The following UBE2E2 variants were observed in gnomAD, a reference collection of about 807,000 sequenced individuals.
The protein encoded by UBE2E2 is ubiquitin-conjugating enzyme E2 E2.
UBE2E2 carries 6 observed loss-of-function variants against 24.7 expected under a neutral mutation model. That is an observed-to-expected ratio of 0.24 (90% CI 0.13 to 0.48). The LOEUF is 0.48. UBE2E2 is among the 20% of genes least tolerant of loss of function. UBE2E2 has a pLI of 0.99. For synonymous variants in UBE2E2, 104 were observed against 83.6 expected (o/e 1.24, Z -1.33); for missense variants, 169 against 245.0 (o/e 0.69, Z 2.07).
chr3:23,572,849 AG>A (rs1206554328), intron 5 of UBE2E2, among the ~76,000 whole-genome samples: 8 of 152,210 alleles, frequency 5.3e-5, no homozygotes, highest in Non-Finnish European at 8.8e-5. Context: ...TGAATGTACA[AG>A]TGCAAGTGTC....
At position 23,355,390 on chromosome 3, in the gene UBE2E2, A is replaced by G. The variant is rs192713696; in HGVS notation, c.227+138078A>G. ...TAAAGTATAATAATAATGAAAGACA[A>G]AAAAGAAGTCATGCTTCCTCTTATA... is the stretch of plus-strand genomic sequence containing the variant. On this transcript the variant is annotated intron_variant, in intron 3 of 5. Coordinates refer to ENST00000396703, the MANE Select transcript of UBE2E2 (RefSeq NM_152653.4). Among the ~76,000 whole-genome samples, 144 of 152,262 alleles carry G rather than the reference A, an allele frequency of 9.5e-4. 5 individuals carry two copies. In the East Asian group the frequency reaches 0.023, roughly 25 times the overall value.
chr3:23,453,631 A>G (rs1698614705), intron 3 of UBE2E2, among the ~76,000 whole-genome samples: 1 of 152,188 alleles, frequency 6.6e-6, no homozygotes, highest in African/African-American at 2.4e-5. Context: ...GAATCTGGAA[A>G]GGGAATCATT....
In UBE2E2 at chr3:23,451,819, A is replaced by G. The variant is rs910616793; in HGVS notation, c.228-47789A>G. Among the ~76,000 whole-genome samples, 6 of 152,240 alleles carry G rather than the reference A, an allele frequency of 3.9e-5. No homozygotes were observed. The South Asian group carries it at 1.2e-3, about 32-fold the overall frequency. ...TGGTGGAGTTTTAAAAAATATATTTATGCTTCCCTAAGATAGTGGCCAAGT... is the reference window on the plus strand; with the variant it reads ...TGGTGGAGTTTTAAAAAATATATTTGTGCTTCCCTAAGATAGTGGCCAAGT... On this transcript the variant is annotated intron_variant, in intron 3 of 5. Transcript: ENST00000396703.
intron 3 of UBE2E2, among the ~76,000 whole-genome samples, chr3:23,376,293 G>A (rs1331383268): frequency 5.3e-5 from 8 of 152,118 alleles, no homozygotes; most frequent in Non-Finnish European, 7.3e-5. Flanking sequence ...TTTTTGCGTG[G>A]ATTTGTTTTG....
intron 3 of UBE2E2, among the ~76,000 whole-genome samples, chr3:23,325,751 C>G (rs1694872975): frequency 6.6e-6 from 1 of 152,224 alleles, no homozygotes; most frequent in East Asian, 1.9e-4. Context: ...GAATATCTAA[C>G]CCCTCCGTAT....
intron 3 of UBE2E2, among the ~76,000 whole-genome samples, chr3:23,304,894 C>CT (rs1163696928): frequency 6.6e-6 from 1 of 151,638 alleles, no homozygotes; most frequent in South Asian, 2.1e-4. Flanking sequence ...TTTCCTTGCA[C>CT]TTTGAGTGAA....
rs1696961865 is a variant in UBE2E2, at chr3:23,231,019, A to ATATCAGTACATAATGAGAGC, written c.227+13707_227+13708insTATCAGTACATAATGAGAGC. On this transcript the variant is annotated intron_variant, in intron 3 of 5. Transcript: ENST00000396703. ...GGGCTTTCTAGAGAAATAATGGGAG[A>ATATCAGTACATAATGAGAGC]CATCAGTACATAATGAGAGCTCTAC... 2.0e-5 allele frequency among the ~76,000 whole-genome samples: 3 copies of ATATCAGTACATAATGAGAGC among 152,246 alleles called. No individual in the cohort carries two copies. In the South Asian group the frequency reaches 6.2e-4, roughly 32 times the overall value.
chr3:23,359,008 A>T (rs1457417706), intron 3 of UBE2E2, among the ~76,000 whole-genome samples: 1 of 152,154 alleles, frequency 6.6e-6, no homozygotes, highest in Non-Finnish European at 1.5e-5. Context: ...TGTTTTTGAG[A>T]TTTGGAATGG....
At position 23,326,845 on chromosome 3, in the gene UBE2E2, C is replaced by G. The variant is rs566046255; in HGVS notation, c.227+109533C>G. Among the ~76,000 whole-genome samples, 4 of 152,256 alleles carry G rather than the reference C, an allele frequency of 2.6e-5. No individual in the cohort carries two copies. In the East Asian group the frequency reaches 7.7e-4, roughly 29 times the overall value. ...CCACTCCCCCCACCCCACCACAGGC[C>G]CTGGTGTGGGATGTTCCCCACCCTG... On this transcript the variant is annotated intron_variant, in intron 3 of 5. Transcript: ENST00000396703.
chr3:23,554,999 C>A (rs1695741175), intron 5 of UBE2E2, among the ~76,000 whole-genome samples: 2 of 151,816 alleles, frequency 1.3e-5, no homozygotes. Context: ...TCACTGCAGC[C>A]TTATCTCCTG....
chr3:23,399,358 T>C (rs1697160364), intron 3 of UBE2E2, among the ~76,000 whole-genome samples: 1 of 152,186 alleles, frequency 6.6e-6, no homozygotes, highest in African/African-American at 2.4e-5. Flanking sequence ...TGAGATCTGG[T>C]AACTGAGATG....
At chr3:23,492,390 C>G (rs1159309480) in intron 3 of UBE2E2, among the ~76,000 whole-genome samples, 1 of 152,204 alleles carries the variant, frequency 6.6e-6, no homozygotes, top group Non-Finnish European at 1.5e-5. Context: ...CTGGTAATTT[C>G]AGGTCAGTTC....
At chr3:23,403,712 T>C (rs1434337600) in intron 3 of UBE2E2, among the ~76,000 whole-genome samples, 1 of 150,778 alleles carries the variant, frequency 6.6e-6, no homozygotes, top group Non-Finnish European at 1.5e-5. Context: ...TAGTTCCAGC[T>C]ACTCAGGAGG....
At chr3:23,412,612 TAAA>T (rs1697519003) in intron 3 of UBE2E2, among the ~76,000 whole-genome samples, 1 of 152,214 alleles carries the variant, frequency 6.6e-6, no homozygotes, top group Admixed American at 6.5e-5. Flanking sequence ...AAACAGGACT[TAAA>T]TTAAATTTGG....
intron 3 of UBE2E2, among the ~76,000 whole-genome samples, chr3:23,270,527 TC>T (rs1303962140): frequency 6.6e-6 from 1 of 152,074 alleles, no homozygotes; most frequent in East Asian, 1.9e-4. Context: ...CTCGTTCTGT[TC>T]TCCTTCTCCC....
At chr3:23,320,419 A>G (rs552870795) in intron 3 of UBE2E2, among the ~76,000 whole-genome samples, 2 of 152,298 alleles carry the variant, frequency 1.3e-5, no homozygotes, top group Admixed American at 6.5e-5. Flanking sequence ...CATACACTTC[A>G]TTCAAATTGA....
At chr3:23,341,655 T>G (rs183738581) in intron 3 of UBE2E2, among the ~76,000 whole-genome samples, 11 of 152,304 alleles carry the variant, frequency 7.2e-5, no homozygotes, top group Admixed American at 6.5e-4. Flanking sequence ...CTGCATAAAC[T>G]GTATTCTAAA....
intron 5 of UBE2E2, among the ~76,000 whole-genome samples, chr3:23,560,894 T>C (rs541659516): frequency 6.6e-6 from 1 of 152,320 alleles, no homozygotes; most frequent in South Asian, 2.1e-4. Context: ...TCATATCCTT[T>C]GCCCACTTTT....
chr3:23,291,542 A>G (rs562564510), intron 3 of UBE2E2, among the ~76,000 whole-genome samples: 16 of 152,160 alleles, frequency 1.1e-4, no homozygotes, highest in African/African-American at 3.6e-4. Context: ...ACTGCTGACT[A>G]TGTTAACTTA....
Sources: allele counts gnomAD v4.1 joint callset (sites outside exome capture counted in the v4.1 genomes callset), GRCh38; gene constraint gnomAD v4.1.1; transcripts MANE v1.5; gene names NCBI Gene and HGNC (gene_info 2026-07-23, HGNC 2026-07-21).